KYNU: variants seen among roughly 807,000 people sequenced by gnomAD.
KYNU encodes L-kynurenine hydrolase.
A neutral mutation model predicts 59.2 loss-of-function variants in KYNU; 54 were observed. The ratio of observed to expected loss-of-function variants is 0.91; its 90% CI spans 0.73 to 1.14. The LOEUF is 1.14. Among genes scored for constraint, KYNU ranks in the 50% most tolerant of loss-of-function variants. The pLI is 0.00. For missense variants in KYNU, 567 were observed against 554.4 expected, an observed-to-expected ratio of 1.02 and a Z score of -0.23; for synonymous variants, 177 against 192.0, an observed-to-expected ratio of 0.92 and a Z score of 0.65.
At chr2:142,885,108 G>A (rs1211434661) in intron 1 of KYNU, among the ~76,000 whole-genome samples, 3 of 102,776 alleles carry the variant, frequency 2.9e-5, no homozygotes, top group South Asian at 3.5e-4. Context: ...CAAGTGATCC[G>A]CCCACCTCGG....
intron 10 of KYNU, among the ~76,000 whole-genome samples, chr2:143,007,120 G>A (rs1481533313): frequency 6.6e-6 from 1 of 151,912 alleles, no homozygotes; most frequent in African/African-American, 2.4e-5. Flanking sequence ...AGCTATGGGA[G>A]GACATTCAAA....
At chr2:143,007,267 C>A (rs1378722647) in intron 10 of KYNU, among the ~76,000 whole-genome samples, 1 of 149,288 alleles carries the variant, frequency 6.7e-6, no homozygotes, top group Non-Finnish European at 1.5e-5. Context: ...AATGCAGAAG[C>A]CTCAGGAACC....
At position 143,050,237 on chromosome 2, in the gene KYNU, A is replaced by T. The variant is rs1020582515; in HGVS notation, c.*8065A>T. Reference sequence around the variant, plus strand: ...TGTGCAGAACCTGCAGGTTTGTTACATAGGTATACGTGTGCCATGGTGGTT... The same window carrying T: ...TGTGCAGAACCTGCAGGTTTGTTACTTAGGTATACGTGTGCCATGGTGGTT... On this transcript the variant is annotated 3_prime_UTR_variant, in exon 14 of 14. Transcript: ENST00000264170. The T allele has an allele frequency of 1.3e-5, 2 of 152,036 alleles. No individual in the cohort carries two copies. The highest frequency in any genetic ancestry group is 3.8e-4 in the East Asian group (2 of 5,200). The allele number at this position is 152,036 out of a possible 1,614,324, so 9.4% of individuals were successfully genotyped here.
At chr2:143,032,711 TTGTGTG>T (rs61062901) in intron 11 of KYNU, among the ~76,000 whole-genome samples, 25 of 129,452 alleles carry the variant, frequency 1.9e-4, no homozygotes, top group African/African-American at 6.4e-4. Context: ...GCTCCCTCTA[TTGTGTG>T]TGTGTGTGTG....
chr2:143,014,930 G>A (rs1312322442), intron 10 of KYNU, among the ~76,000 whole-genome samples: 7 of 152,164 alleles, frequency 4.6e-5, no homozygotes, highest in South Asian at 2.1e-4. Flanking sequence ...GTCTGGCTCC[G>A]TCACCCAGGC....
Position 143,045,955 on chromosome 2 carries a change from A to G in KYNU, c.*3783A>G, listed in dbSNP as rs1687158499. 2 of 152,174 alleles carry G rather than the reference A, an allele frequency of 1.3e-5. No homozygotes were observed. The highest frequency in any genetic ancestry group is 2.9e-5 in the Non-Finnish European group (2 of 68,030). The allele number at this position is 152,174 out of a possible 1,614,324, so 9.4% of individuals were successfully genotyped here. On this transcript the variant is annotated 3_prime_UTR_variant, in exon 14 of 14. Transcript: ENST00000264170. ...ATAATTTCTGAAGGGTATTAATTAGATGTTTGAGTGAGGGGAAATATTGGA... is the reference window on the plus strand; with the variant it reads ...ATAATTTCTGAAGGGTATTAATTAGGTGTTTGAGTGAGGGGAAATATTGGA...
chr2:143,031,606 C>T (rs1430730125), intron 11 of KYNU, among the ~76,000 whole-genome samples: 7 of 152,074 alleles, frequency 4.6e-5, no homozygotes. Context: ...CATCTGTAGT[C>T]CCAGCTACTT....
intron 8 of KYNU, among the ~76,000 whole-genome samples, chr2:142,981,221 A>G (rs565510320): frequency 5.1e-4 from 78 of 152,230 alleles, no homozygotes; most frequent in African/African-American, 1.7e-3. Flanking sequence ...TGGTTTCTTC[A>G]GTGTGCCATT....
chr2:142,919,644 G>A (rs959267057), intron 3 of KYNU, among the ~76,000 whole-genome samples: 3 of 152,282 alleles, frequency 2.0e-5, no homozygotes, highest in Admixed American at 2.0e-4. Flanking sequence ...ATTCTTTAAA[G>A]TTTAGTAGGC....
At chr2:142,895,059 T>C (rs778268252) in intron 2 of KYNU, among the ~76,000 whole-genome samples, 3 of 152,222 alleles carry the variant, frequency 2.0e-5, no homozygotes, top group Non-Finnish European at 4.4e-5. Context: ...TAAGAAGGAT[T>C]GGTAGAATGT....
chr2:142,893,178 A>G (rs550060670), intron 2 of KYNU, among the ~76,000 whole-genome samples: 54 of 152,346 alleles, frequency 3.5e-4, no homozygotes, highest in Middle Eastern at 3.4e-3. Context: ...ATCAGCATTT[A>G]GGTAATAGTT....
chr2:142,918,612 A>G lies in KYNU; in HGVS notation c.173A>G (p.Asp58Gly), dbSNP rs751390957. Residue 58 changes from aspartate (D) to glycine (G), a missense_variant, in exon 3 of 14, where the codon GAT becomes GGT. Coordinates refer to ENST00000264170, the MANE Select transcript of KYNU (RefSeq NM_003937.3). ...IPKIQDLPPVDLSLVNKDENA... is the reference protein window; with the variant it reads ...IPKIQDLPPVGLSLVNKDENA... ...TTTGACATTTCTTCTGTTTCAGTTG[A>G]TTTATCATTAGTGAATAAAGATGAA... 2.0e-6 allele frequency: 3 copies of G among 1,530,998 alleles called. No homozygotes were observed. The highest frequency in any genetic ancestry group is 8.8e-7 in the Non-Finnish European group (1 of 1,136,404). The allele number at this position is 1,530,998 out of a possible 1,614,324, so 94.8% of individuals were successfully genotyped here.
Position 143,049,981 on chromosome 2 carries a change from A to G in KYNU, c.*7809A>G, listed in dbSNP as rs1020487765. ...AAATTCTTGTTTTCGGTTTTTTTCCAATCACATAAGTAGGATTTACCTGAA... is the reference window on the plus strand; with the variant it reads ...AAATTCTTGTTTTCGGTTTTTTTCCGATCACATAAGTAGGATTTACCTGAA... On this transcript the variant is annotated 3_prime_UTR_variant, in exon 14 of 14. Coordinates refer to ENST00000264170, the MANE Select transcript of KYNU (RefSeq NM_003937.3). The G allele has an allele frequency of 1.0e-4, 15 of 149,624 alleles. No individual in the cohort carries two copies. Among genetic ancestry groups the G allele is most frequent in the African/African-American group, 3.4e-4 (14 of 41,128 alleles). The allele number at this position is 149,624 out of a possible 1,614,324, so 9.3% of individuals were successfully genotyped here. A position where few individuals can be genotyped will look rare whatever the true frequency, so the allele number is the denominator to read the frequency against.
intron 3 of KYNU, among the ~76,000 whole-genome samples, chr2:142,925,855 T>G (rs930707677): frequency 6.6e-6 from 1 of 152,212 alleles, no homozygotes; most frequent in African/African-American, 2.4e-5. Context: ...AGGTTGGTAC[T>G]ATACAAAAAG....
intron 4 of KYNU, among the ~76,000 whole-genome samples, chr2:142,939,343 C>G (rs772127218): frequency 9.2e-5 from 14 of 152,042 alleles, no homozygotes; most frequent in Non-Finnish European, 1.8e-4. Flanking sequence ...GTGGCTCATG[C>G]CTGTAATCCC....
chr2:143,019,520 A>G (rs903275731), intron 10 of KYNU, among the ~76,000 whole-genome samples: 7 of 152,026 alleles, frequency 4.6e-5, no homozygotes, highest in Non-Finnish European at 1.0e-4. Flanking sequence ...GATCATGGTG[A>G]ATAATCTTTT....
At chr2:142,902,549 G>A (rs557147811) in intron 2 of KYNU, among the ~76,000 whole-genome samples, 1 of 152,150 alleles carries the variant, frequency 6.6e-6, no homozygotes, top group East Asian at 1.9e-4. Context: ...GTTTTGGGAT[G>A]AGGATAAGCC....
intron 4 of KYNU, among the ~76,000 whole-genome samples, chr2:142,941,418 T>C (rs1683596698): frequency 6.6e-6 from 1 of 152,200 alleles, no homozygotes; most frequent in Non-Finnish European, 1.5e-5. Context: ...TTAGTTAAAT[T>C]AGATGTGTTT....
chr2:143,029,455 G>A (rs1686675483), intron 10 of KYNU, among the ~76,000 whole-genome samples, 172 bp from the exon 11 acceptor site: 1 of 152,050 alleles, frequency 6.6e-6, no homozygotes, highest in Non-Finnish European at 1.5e-5. Flanking sequence ...GCATGGTGGT[G>A]CATGCTTGTA....
Sources: allele counts gnomAD v4.1 joint callset (sites outside exome capture counted in the v4.1 genomes callset), GRCh38; gene constraint gnomAD v4.1.1; transcripts MANE v1.5; gene names NCBI Gene and HGNC (gene_info 2026-07-23, HGNC 2026-07-21).